LRRC8B: variants seen among roughly 807,000 people sequenced by gnomAD.
The protein encoded by LRRC8B is leucine rich repeat containing 8 VRAC subunit B, also known as volume-regulated anion channel subunit LRRC8B.
LRRC8B carries 23 observed loss-of-function variants against 58.8 expected under a neutral mutation model. The observed-to-expected ratio is 0.39, with a 90% CI of 0.28 to 0.55. The LOEUF is 0.55. Ranked by LOEUF, LRRC8B falls within the 20% of genes least tolerant of loss-of-function variation. The pLI is 0.62. For synonymous variants in LRRC8B, 359 were observed against 374.1 expected, an observed-to-expected ratio of 0.96 and a Z score of 0.47; for missense variants, 694 against 936.0, an observed-to-expected ratio of 0.74 and a Z score of 3.37.
intron 1 of LRRC8B, among the ~76,000 whole-genome samples, chr1:89,537,523 A>C (rs1650622011): frequency 6.6e-6 from 1 of 152,138 alleles, no homozygotes; most frequent in Admixed American, 6.5e-5. Flanking sequence ...CCCATGGTGG[A>C]GTGCAGTGGC....
Position 89,583,273 on chromosome 1 carries a change from A to C in LRRC8B, c.623A>C (p.Tyr208Ser). Residue 208 changes from tyrosine (Y) to serine (S), a missense_variant, in exon 5 of 6, where the codon TAC becomes TCC. By Grantham distance (144) the Tyr-to-Ser change is moderately radical. Transcript: ENST00000330947. This position sits in a 1 kb window ranked among gnomAD's most constrained non-coding sequence, Gnocchi z 5.2. ...GATTCCGGCAAACAGTCATTGCCCTACCCACAGCCAGGTTTGGAGTCAGCT... is the reference window on the plus strand; with the variant it reads ...GATTCCGGCAAACAGTCATTGCCCTCCCCACAGCCAGGTTTGGAGTCAGCT... Reference protein sequence around the residue: ...DIDSGKQSLPYPQPGLESAGI... With the variant: ...DIDSGKQSLPSPQPGLESAGI... The C allele has an allele frequency of 6.2e-7, 1 of 1,614,186 alleles. No individual in the cohort carries two copies. The highest frequency in any genetic ancestry group is 8.5e-7 in the Non-Finnish European group (1 of 1,180,034).
intron 3 of LRRC8B, among the ~76,000 whole-genome samples, chr1:89,569,903 C>G (rs113982461): frequency 3.6e-4 from 55 of 152,216 alleles, no homozygotes; most frequent in African/African-American, 1.3e-3. Flanking sequence ...TGTTGTTACC[C>G]TCTATGTGTC....
intron 1 of LRRC8B, among the ~76,000 whole-genome samples, chr1:89,530,103 C>A (rs939348321): frequency 3.3e-5 from 5 of 151,706 alleles, no homozygotes; most frequent in African/African-American, 1.2e-4. Context: ...AATCCCAGCA[C>A]TTTGGGAGGC....
intron 3 of LRRC8B, among the ~76,000 whole-genome samples, chr1:89,579,326 T>C (rs1363235220): frequency 2.0e-5 from 3 of 152,150 alleles, no homozygotes; most frequent in African/African-American, 7.2e-5. Flanking sequence ...TGAATGTGAG[T>C]GGGGCCCTGT....
At position 89,596,557 on chromosome 1, in the gene LRRC8B, AAATAATCAAAC is replaced by A. The variant is rs1257909135; in HGVS notation, c.*3518_*3528del. On this transcript the variant is annotated 3_prime_UTR_variant, in exon 6 of 6. Coordinates refer to ENST00000330947, the MANE Select transcript of LRRC8B (RefSeq NM_001369817.2). ...ATATTGATGGGTTCAAAAACCATTA[AAATAATCAAAC>A]AATTATTCTGTGCCCTTAACATTAT... 1.6e-4 allele frequency: 24 copies of A among 152,300 alleles called. No individual in the cohort carries two copies. Among genetic ancestry groups the A allele is most frequent in the African/African-American group, 5.5e-4 (23 of 41,584 alleles). 9.4% of individuals were successfully genotyped at this position (152,300 alleles called of 1,614,324 possible).
At chr1:89,590,936 A>G (rs1205000826) in intron 5 of LRRC8B, among the ~76,000 whole-genome samples, 4 of 152,148 alleles carry the variant, frequency 2.6e-5, no homozygotes, top group Admixed American at 6.6e-5. Flanking sequence ...ACAACTGGGA[A>G]GGGGAGTGGC....
chr1:89,573,405 C>T (rs1192375190), intron 3 of LRRC8B, among the ~76,000 whole-genome samples: 1 of 151,136 alleles, frequency 6.6e-6, no homozygotes, highest in African/African-American at 2.4e-5. Context: ...TTATTACTTA[C>T]TATTTATAAT....
At chr1:89,543,970 A>G (rs1478696558) in intron 1 of LRRC8B, among the ~76,000 whole-genome samples, 1 of 151,678 alleles carries the variant, frequency 6.6e-6, no homozygotes, top group Non-Finnish European at 1.5e-5. Flanking sequence ...ATTATTATTA[A>G]TTATTTGTAG....
chr1:89,582,451 A>G (rs921685959), intron 4 of LRRC8B, among the ~76,000 whole-genome samples, 174 bp from the exon 5 acceptor site: 14 of 152,210 alleles, frequency 9.2e-5, no homozygotes, highest in Non-Finnish European at 1.5e-4. Flanking sequence ...TGGATGGCCT[A>G]TAGTTTCAAA....
intron 1 of LRRC8B, among the ~76,000 whole-genome samples, chr1:89,544,024 G>C (rs1651219514): frequency 6.6e-6 from 1 of 152,052 alleles, no homozygotes; most frequent in African/African-American, 2.4e-5. Flanking sequence ...TTGAACTCTT[G>C]GACTCAAGTG....
chr1:89,542,460 C>G (rs565950346), intron 1 of LRRC8B, among the ~76,000 whole-genome samples: 3 of 152,282 alleles, frequency 2.0e-5, no homozygotes, highest in African/African-American at 4.8e-5. Flanking sequence ...TGTTGCTTCT[C>G]CAGGGCCATT....
intron 1 of LRRC8B, among the ~76,000 whole-genome samples, chr1:89,558,419 C>A (rs1185785290): frequency 1.3e-5 from 2 of 152,090 alleles, no homozygotes; most frequent in South Asian, 2.1e-4. Flanking sequence ...AGCAACAAGT[C>A]AAGAGGTGAC....
intron 1 of LRRC8B, among the ~76,000 whole-genome samples, chr1:89,564,626 A>G (rs1422590913): frequency 6.6e-6 from 1 of 152,176 alleles, no homozygotes; most frequent in Non-Finnish European, 1.5e-5. Flanking sequence ...TCAACAGATA[A>G]TTATTGAGAC....
intron 4 of LRRC8B, 134 bp from the exon 5 acceptor site, chr1:89,582,491 T>G (rs1431858977): frequency 1.6e-6 from 1 of 611,432 alleles, no homozygotes; most frequent in African/African-American, 1.9e-5. Flanking sequence ...TGCCCCTTAA[T>G]CAGCTCTTCC....
chr1:89,571,497 G>A (rs149249231), intron 3 of LRRC8B, among the ~76,000 whole-genome samples: 19 of 152,216 alleles, frequency 1.2e-4, no homozygotes, highest in East Asian at 5.8e-4. Context: ...GGCTCTCAAC[G>A]TGACTGTTGT....
intron 1 of LRRC8B, among the ~76,000 whole-genome samples, chr1:89,525,847 G>T (rs544401734): frequency 6.6e-6 from 1 of 151,988 alleles, no homozygotes; most frequent in African/African-American, 2.4e-5. Flanking sequence ...AATTCACTTC[G>T]CCTAAAGACT....
At chr1:89,549,301 C>T (rs993701918) in intron 1 of LRRC8B, among the ~76,000 whole-genome samples, 5 of 152,160 alleles carry the variant, frequency 3.3e-5, no homozygotes, top group African/African-American at 1.2e-4. Flanking sequence ...TATAAAAATA[C>T]AACACATACC....
At chr1:89,542,813 T>A (rs576836918) in intron 1 of LRRC8B, among the ~76,000 whole-genome samples, 2 of 152,324 alleles carry the variant, frequency 1.3e-5, no homozygotes, top group South Asian at 2.1e-4. Context: ...ATGGTTATAA[T>A]ATACAAGCAT....
At chr1:89,579,284 G>T (rs574193427) in intron 3 of LRRC8B, among the ~76,000 whole-genome samples, 1 of 152,348 alleles carries the variant, frequency 6.6e-6, no homozygotes, top group South Asian at 2.1e-4. Flanking sequence ...ACCTGTAATT[G>T]AAAGGAAGTT....
Sources: allele counts gnomAD v4.1 joint callset (sites outside exome capture counted in the v4.1 genomes callset), GRCh38; gene constraint gnomAD v4.1.1; non-coding constraint Gnocchi (gnomAD v3.1); transcripts MANE v1.5; gene names NCBI Gene and HGNC (gene_info 2026-07-23, HGNC 2026-07-21).